The following TRPC4 variants were observed in gnomAD, a reference collection of about 807,000 sequenced individuals.
The protein encoded by TRPC4 is transient receptor potential cation channel subfamily C member 4.
In TRPC4, 49 loss-of-function variants were observed where a neutral mutation model predicts 99.4. That is an observed-to-expected ratio of 0.49 (90% CI 0.39 to 0.63). The LOEUF (loss-of-function observed/expected upper bound fraction) is 0.63, where lower values mean the gene tolerates loss of function less well. TRPC4 is among the 20% of genes least tolerant of loss of function. The pLI is 0.00. For synonymous variants in TRPC4, 454 were observed against 425.9 expected, an observed-to-expected ratio of 1.07 and a Z score of -0.81; for missense variants, 898 against 1,152.9, an observed-to-expected ratio of 0.78 and a Z score of 3.20.
At chr13:37,745,372 T>A (rs976048776) in intron 3 of TRPC4, among the ~76,000 whole-genome samples, 5 of 149,366 alleles carry the variant, frequency 3.3e-5, no homozygotes, top group African/African-American at 9.9e-5. Flanking sequence ...CATCCACATT[T>A]GGTTGAATCC....
Position 37,687,353 on chromosome 13 carries a change from A to G in TRPC4, c.1234+4646T>C, listed in dbSNP as rs17056440. On this transcript the variant is annotated intron_variant, in intron 4 of 10. Transcript: ENST00000379705. ...ATAAGTCTACATCTGGAAATTTTAC[A>G]GATGTCCATACTTTTTTGTGCAAAG... is the stretch of plus-strand genomic sequence containing the variant. 7.4e-3 allele frequency among the ~76,000 whole-genome samples: 1,133 copies of G among 152,316 alleles called. 19 individuals carry two copies. The highest frequency in any genetic ancestry group is 0.026 in the African/African-American group (1,088 of 41,578).
At position 37,690,605 on chromosome 13, in the gene TRPC4, C is replaced by CT. The variant is rs370472986; in HGVS notation, c.1234+1393dup. On this transcript the variant is annotated intron_variant, in intron 4 of 10. Transcript: ENST00000379705. ...TCACTGTGTCCTGCCCGGCCTGACC[C>CT]TTTTTTCTAATTTAAACAAGATCAC... Among the ~76,000 whole-genome samples the CT allele has an allele frequency of 6.9e-4, 105 of 152,222 alleles. 1 individual carries two copies. Among genetic ancestry groups the CT allele is most frequent in the African/African-American group, 2.4e-3 (99 of 41,534 alleles).
intron 3 of TRPC4, among the ~76,000 whole-genome samples, chr13:37,716,107 C>CTT (rs34592435): frequency 2.0e-5 from 3 of 151,398 alleles, no homozygotes; most frequent in Non-Finnish European, 4.4e-5. Flanking sequence ...AACATGAAAA[C>CTT]TTTTTTTTCT....
intron 1 of TRPC4, among the ~76,000 whole-genome samples, chr13:37,837,213 T>C (rs1362331143): frequency 6.6e-6 from 1 of 152,252 alleles, no homozygotes; most frequent in Non-Finnish European, 1.5e-5. Context: ...GCTAGGGCAG[T>C]GCAAAAGGAA....
intron 1 of TRPC4, among the ~76,000 whole-genome samples, chr13:37,823,957 G>A (rs1239098398): frequency 6.9e-6 from 1 of 145,100 alleles, no homozygotes; most frequent in African/African-American, 2.6e-5. Flanking sequence ...TTGAGCAGTG[G>A]TTTGTAGTTC....
Position 37,746,465 on chromosome 13 carries a change from A to G in TRPC4, c.379-10T>C, listed in dbSNP as rs748919392. 2 of 1,581,930 alleles carry G rather than the reference A, an allele frequency of 1.3e-6. No homozygotes were observed. Among genetic ancestry groups the G allele is most frequent in the Non-Finnish European group, 1.7e-6 (2 of 1,168,406 alleles). On this transcript the variant is annotated splice_polypyrimidine_tract_variant and intron_variant, in intron 2 of 10. Transcript: ENST00000379705. ...GGAGTATAGGAGGCACCTAAAAAAA[A>G]AAAAGGCAGAGGTGATGAATATTTA... is the stretch of plus-strand genomic sequence containing the variant.
chr13:37,693,725 A>G (rs1953809444), intron 3 of TRPC4, among the ~76,000 whole-genome samples: 1 of 152,228 alleles, frequency 6.6e-6, no homozygotes, highest in Non-Finnish European at 1.5e-5. Flanking sequence ...GGATTAGATG[A>G]ACAATGGTTT....
chr13:37,856,543 C>T (rs1279130116), intron 1 of TRPC4, among the ~76,000 whole-genome samples: 3 of 151,390 alleles, frequency 2.0e-5, no homozygotes, highest in Non-Finnish European at 4.4e-5. Context: ...GCTAGTATTA[C>T]CCTGATACCA....
intron 1 of TRPC4, among the ~76,000 whole-genome samples, chr13:37,844,524 A>AT (rs1311322289): frequency 6.6e-6 from 1 of 151,838 alleles, no homozygotes; most frequent in Non-Finnish European, 1.5e-5. Context: ...CGAACTCCTG[A>AT]CCTCAGGCGA....
chr13:37,863,397 ATTAC>A (rs1959522846), intron 1 of TRPC4, among the ~76,000 whole-genome samples: 1 of 151,576 alleles, frequency 6.6e-6, no homozygotes, highest in South Asian at 2.1e-4. Context: ...CCCACTCTTT[ATTAC>A]TTGTTATTTA....
chr13:37,659,937 T>A (rs1952372445), intron 6 of TRPC4, among the ~76,000 whole-genome samples: 1 of 152,172 alleles, frequency 6.6e-6, no homozygotes, highest in Non-Finnish European at 1.5e-5. Context: ...TTCCCTTTGA[T>A]TGAATTTAAG....
intron 1 of TRPC4, among the ~76,000 whole-genome samples, chr13:37,820,435 C>T (rs1566195774): frequency 6.6e-6 from 1 of 152,002 alleles, no homozygotes; most frequent in East Asian, 1.9e-4. Context: ...CTTACTCATT[C>T]TATGACGCCA....
In TRPC4 at chr13:37,705,531, AATATT is replaced by A. The variant is rs148367997; in HGVS notation, c.898-13201_898-13197del. Among the ~76,000 whole-genome samples, 646 of 152,294 alleles carry A rather than the reference AATATT, an allele frequency of 4.2e-3. 15 individuals carry two copies. The highest frequency in any genetic ancestry group is 0.032 in the Admixed American group (494 of 15,274). On this transcript the variant is annotated intron_variant, in intron 3 of 10. Coordinates refer to ENST00000379705, the MANE Select transcript of TRPC4 (RefSeq NM_016179.4). ...ATTGCATAATGTATGCACATTTCAA[AATATT>A]ATATTGTAATCAATAAATATATGCA...
rs948507863 is a variant in TRPC4 at position 37,741,533 on chromosome 13, C to A, written c.897+4404G>T. 2.0e-5 allele frequency among the ~76,000 whole-genome samples: 3 copies of A among 152,180 alleles called. No homozygotes were observed. In the East Asian group the frequency reaches 5.8e-4, roughly 29 times the overall value. On this transcript the variant is annotated intron_variant, in intron 3 of 10. Coordinates refer to ENST00000379705, the MANE Select transcript of TRPC4 (RefSeq NM_016179.4). ...CAAGGGAGCAACCTTAAACCTTAAA[C>A]CTGTCCCATCGCAGAATGGTACTTG...
chr13:37,651,739 G>A (rs1218944683), intron 7 of TRPC4, among the ~76,000 whole-genome samples: 7 of 152,144 alleles, frequency 4.6e-5, no homozygotes, highest in African/African-American at 1.7e-4. Flanking sequence ...AATTAGTTAT[G>A]ACTTGAAGAT....
chr13:37,811,346 A>G (rs2139476658), intron 1 of TRPC4, among the ~76,000 whole-genome samples: 1 of 152,296 alleles, frequency 6.6e-6, no homozygotes. Flanking sequence ...ACAGATTTAA[A>G]GTCACTGGAC....
At chr13:37,729,859 C>T (rs1300148319) in intron 3 of TRPC4, among the ~76,000 whole-genome samples, 1 of 152,004 alleles carries the variant, frequency 6.6e-6, no homozygotes, top group African/African-American at 2.4e-5. Context: ...TCCTCATTTC[C>T]CCTTCCTTCC....
chr13:37,697,299 T>C (rs930860216), intron 3 of TRPC4, among the ~76,000 whole-genome samples: 2 of 152,110 alleles, frequency 1.3e-5, no homozygotes, highest in Non-Finnish European at 2.9e-5. Context: ...GATAACTTCA[T>C]ACAGAGCATT....
chr13:37,745,025 T>A (rs1481735285), intron 3 of TRPC4, among the ~76,000 whole-genome samples: 1 of 152,178 alleles, frequency 6.6e-6, no homozygotes, highest in Non-Finnish European at 1.5e-5. Context: ...ATGAGAAAAG[T>A]TTTAGTACTT....
Sources: allele counts gnomAD v4.1 joint callset (sites outside exome capture counted in the v4.1 genomes callset), GRCh38; gene constraint gnomAD v4.1.1; transcripts MANE v1.5; gene names NCBI Gene and HGNC (gene_info 2026-07-23, HGNC 2026-07-21).